Variants in RAB3D observed in about 807,000 individuals in gnomAD.
RAB3D encodes the protein RAB3D, member RAS oncogene family, also known as ras-related protein Rab-3D.
In RAB3D, 17 loss-of-function variants were observed where a neutral mutation model predicts 19.3. That is an observed-to-expected ratio of 0.88 (90% CI 0.60 to 1.32). The LOEUF (loss-of-function observed/expected upper bound fraction) is 1.32. RAB3D is among the 40% of genes most tolerant of loss of function. RAB3D has a pLI of 0.00. For synonymous variants in RAB3D, 103 were observed against 119.9 expected, an observed-to-expected ratio of 0.86 and a Z score of 0.92; for missense variants, 223 against 299.1, an observed-to-expected ratio of 0.75 and a Z score of 1.88.
At chr19:11,334,995 C>A (rs369596480) in intron 4 of RAB3D, among the ~76,000 whole-genome samples, 2 of 151,988 alleles carry the variant, frequency 1.3e-5, no homozygotes, top group African/African-American at 4.8e-5. Flanking sequence ...TCAGCCTGGG[C>A]GACAGAGCGA....
intron 4 of RAB3D, among the ~76,000 whole-genome samples, chr19:11,326,478 G>A (rs2080813731): frequency 6.6e-6 from 1 of 152,226 alleles, no homozygotes; most frequent in African/African-American, 2.4e-5. Context: ...GTATAGGTGG[G>A]AGGGTACATG....
chr19:11,325,463 T>TGA lies in RAB3D; in HGVS notation c.594_595insTC (p.Asn200AlafsTer43), dbSNP rs1347503191. ...CCCACGGCCGGGCCTTTCCCGTTGC[T>TGA]GCCTGAGCTGGAGCTGGGTTCCAGG... On this transcript the variant is annotated frameshift_variant, in exon 5 of 5. Transcript: ENST00000222120. LOFTEE classifies it high-confidence loss of function. The TGA allele has an allele frequency of 6.2e-7, 1 of 1,612,194 alleles. No individual in the cohort carries two copies. Among genetic ancestry groups the TGA allele is most frequent in the Non-Finnish European group, 8.5e-7 (1 of 1,179,998 alleles).
chr19:11,328,965 T>A, intron 4 of RAB3D, among the ~76,000 whole-genome samples: 1 of 149,626 alleles, frequency 6.7e-6, no homozygotes, highest in South Asian at 2.1e-4. Context: ...AGAGTCTCCC[T>A]CTGTTGCCCA....
At chr19:11,334,231 G>A (rs556864765) in intron 4 of RAB3D, among the ~76,000 whole-genome samples, 27 of 152,110 alleles carry the variant, frequency 1.8e-4, no homozygotes, top group African/African-American at 4.1e-4. Flanking sequence ...CCAACACTTC[G>A]GGAGGCTGAG....
At chr19:11,327,580 G>A (rs776460133) in intron 4 of RAB3D, among the ~76,000 whole-genome samples, 15 of 152,148 alleles carry the variant, frequency 9.9e-5, no homozygotes, top group Non-Finnish European at 1.6e-4. Flanking sequence ...TGTATTTTCA[G>A]TAGAGACAGG....
At chr19:11,335,004 G>A (rs1039054596) in intron 4 of RAB3D, among the ~76,000 whole-genome samples, 13 of 152,292 alleles carry the variant, frequency 8.5e-5, no homozygotes, top group African/African-American at 2.2e-4. Context: ...GCGACAGAGC[G>A]AGACTCCGTC....
chr19:11,335,392 G>T (rs2080848621), intron 4 of RAB3D, 55 bp downstream of exon 4: 4 of 1,604,746 alleles, frequency 2.5e-6, no homozygotes, highest in Non-Finnish European at 3.4e-6. Flanking sequence ...CAGAGGATGG[G>T]GATGAGGGTT....
intron 4 of RAB3D, among the ~76,000 whole-genome samples, chr19:11,332,421 T>G (rs2080838552): frequency 1.3e-5 from 2 of 151,786 alleles, no homozygotes; most frequent in Admixed American, 6.6e-5. Context: ...CTTGGCTCAA[T>G]GCAACCTCTG....
intron 4 of RAB3D, among the ~76,000 whole-genome samples, chr19:11,329,693 T>C (rs1271358173): frequency 2.0e-5 from 3 of 151,936 alleles, no homozygotes; most frequent in South Asian, 2.1e-4. Flanking sequence ...TCTTTTTGTG[T>C]GTGTGTGAGA....
chr19:11,338,359 AGCC>A (rs1445676122), intron 1 of RAB3D, among the ~76,000 whole-genome samples: 3 of 152,186 alleles, frequency 2.0e-5, no homozygotes, highest in Non-Finnish European at 4.4e-5. Context: ...CAGCGTGTGC[AGCC>A]GGTGTGGCCC....
At chr19:11,336,707 A>C (rs1966898202) in intron 2 of RAB3D, among the ~76,000 whole-genome samples, 1 of 151,574 alleles carries the variant, frequency 6.6e-6, no homozygotes, top group African/African-American at 2.4e-5. Flanking sequence ...ACAGTGGCTC[A>C]TGCCTGTAAT....
chr19:11,326,643 G>A (rs1179000911), intron 4 of RAB3D: 2 of 525,856 alleles, frequency 3.8e-6, no homozygotes, highest in Non-Finnish European at 6.7e-6. Context: ...TCTCTCTATT[G>A]CCCAGGCCGG....
intron 4 of RAB3D, among the ~76,000 whole-genome samples, chr19:11,330,846 G>A (rs968780358): frequency 1.1e-4 from 17 of 151,706 alleles, no homozygotes; most frequent in Admixed American, 7.2e-4. Flanking sequence ...CACTGCGCCC[G>A]GCAAAAAAAT....
At chr19:11,330,100 G>T (rs2080830524) in intron 4 of RAB3D, among the ~76,000 whole-genome samples, 1 of 152,106 alleles carries the variant, frequency 6.6e-6, no homozygotes, top group Admixed American at 6.6e-5. Context: ...GCCCATCGCG[G>T]GCGTTAACTG....
rs149737124 is a variant in RAB3D at position 11,335,987 on chromosome 19, A to G, written c.229-204T>C. Among the ~76,000 whole-genome samples the G allele has an allele frequency of 1.4e-4, 22 of 152,288 alleles. 1 individual carries two copies. In the East Asian group the frequency reaches 4.2e-3, roughly 29 times the overall value. On this transcript the variant is annotated intron_variant, in intron 2 of 4. Coordinates refer to ENST00000222120, the MANE Select transcript of RAB3D (RefSeq NM_004283.4). The stretch of plus-strand genomic sequence containing the variant: ...TGGGGGAGGCATGGATTCATTACCA[A>G]GGGATCTCCCCAGTCTGATGAGGGA...
intron 4 of RAB3D, among the ~76,000 whole-genome samples, chr19:11,331,487 G>A (rs1364460958): frequency 1.3e-5 from 2 of 150,952 alleles, no homozygotes; most frequent in Non-Finnish European, 3.0e-5. Context: ...CAGGCCGACT[G>A]CTTGAGCCCA....
At chr19:11,326,042 G>C (rs1484902113) in intron 4 of RAB3D, among the ~76,000 whole-genome samples, 1 of 152,060 alleles carries the variant, frequency 6.6e-6, no homozygotes, top group African/African-American at 2.4e-5. Context: ...CCAACATGGT[G>C]AAACCCCATC....
chr19:11,326,274 G>A (rs112585859), intron 4 of RAB3D, among the ~76,000 whole-genome samples: 12,570 of 151,704 alleles, frequency 0.083, 1,020 homozygotes, highest in African/African-American at 0.21. Context: ...TCAGCTACTC[G>A]GAAGGTTAAG....
rs979339756 is a variant in RAB3D at position 11,323,848 on chromosome 19, G to C, written c.*1550C>G. The C allele has an allele frequency of 5.9e-5, 9 of 152,252 alleles. No homozygotes were observed. The highest frequency in any genetic ancestry group is 1.0e-4 in the Non-Finnish European group (7 of 68,088). 9.4% of individuals were successfully genotyped at this position (152,252 alleles called of 1,614,324 possible). A position where few individuals can be genotyped will look rare whatever the true frequency, so the allele number is the denominator to read the frequency against. Reference sequence around the variant, plus strand: ...ACATCCACTTAGCCATCCTAACAGTGCTGGTCCTGTGAAGGGGTGTTGGTT... The same window carrying C: ...ACATCCACTTAGCCATCCTAACAGTCCTGGTCCTGTGAAGGGGTGTTGGTT... On this transcript the variant is annotated 3_prime_UTR_variant, in exon 5 of 5. Coordinates refer to ENST00000222120, the MANE Select transcript of RAB3D (RefSeq NM_004283.4).
Sources: allele counts gnomAD v4.1 joint callset (sites outside exome capture counted in the v4.1 genomes callset), GRCh38; gene constraint gnomAD v4.1.1; transcripts MANE v1.5; gene names NCBI Gene and HGNC (gene_info 2026-07-23, HGNC 2026-07-21).